The following HPF1 variants were observed in gnomAD, a reference collection of about 807,000 sequenced individuals.
The protein encoded by HPF1 is histone PARylation factor 1.
A neutral mutation model predicts 38.8 loss-of-function variants in HPF1; 35 were observed. That is an observed-to-expected ratio of 0.90 (90% CI 0.69 to 1.19). HPF1 has a LOEUF of 1.19. Among genes scored for constraint, HPF1 ranks in the 50% most tolerant of loss-of-function variants. HPF1 has a pLI of 0.00. For synonymous variants in HPF1, 115 were observed against 139.2 expected (o/e 0.83, Z 1.22); for missense variants, 367 against 405.8 (o/e 0.90, Z 0.82).
At chr4:169,754,985 T>C (rs1453570236) in intron 1 of HPF1, among the ~76,000 whole-genome samples, 4 of 152,096 alleles carry the variant, frequency 2.6e-5, no homozygotes, top group Admixed American at 1.3e-4. Flanking sequence ...TTGTTACATA[T>C]GTATACATGT....
At chr4:169,748,333 T>G (rs911587898) in intron 4 of HPF1, among the ~76,000 whole-genome samples, 2 of 151,990 alleles carry the variant, frequency 1.3e-5, no homozygotes, top group African/African-American at 4.8e-5. Flanking sequence ...ATGGAAATTA[T>G]CTCTAGAAAT....
chr4:169,746,466 A>G (rs977285330), intron 4 of HPF1, among the ~76,000 whole-genome samples: 1 of 152,130 alleles, frequency 6.6e-6, no homozygotes, highest in Non-Finnish European at 1.5e-5. Flanking sequence ...TTTACCAATT[A>G]ACACATCAGT....
intron 1 of HPF1, among the ~76,000 whole-genome samples, chr4:169,756,313 T>C (rs1190067779): frequency 6.6e-6 from 1 of 152,198 alleles, no homozygotes; most frequent in Non-Finnish European, 1.5e-5. Flanking sequence ...GGTTTAAATC[T>C]GGGTCCACAG....
intron 6 of HPF1, among the ~76,000 whole-genome samples, chr4:169,735,947 A>AAC (rs1553977296): frequency 5.3e-5 from 8 of 151,790 alleles, no homozygotes; most frequent in African/African-American, 1.9e-4. Context: ...AAAAAAAAAA[A>AAC]AACCAACAAC....
intron 6 of HPF1, among the ~76,000 whole-genome samples, chr4:169,733,738 A>T (rs78537182): frequency 1.3e-5 from 2 of 152,036 alleles, no homozygotes; most frequent in Non-Finnish European, 2.9e-5. Context: ...TCTACAAAAA[A>T]TAGAGAAATT....
At chr4:169,735,647 T>C (rs891328067) in intron 6 of HPF1, among the ~76,000 whole-genome samples, 5 of 152,216 alleles carry the variant, frequency 3.3e-5, no homozygotes, top group African/African-American at 1.2e-4. Context: ...CTTTAGAGAC[T>C]GCCCATCTCT....
chr4:169,740,609 A>C (rs1483349008), intron 5 of HPF1, among the ~76,000 whole-genome samples: 1 of 152,232 alleles, frequency 6.6e-6, no homozygotes, highest in East Asian at 1.9e-4. Flanking sequence ...TTAACAGAAA[A>C]GGGTTTGAAA....
intron 5 of HPF1, 82 bp downstream of exon 5, chr4:169,741,875 G>A (rs1247550950): frequency 8.7e-7 from 1 of 1,151,010 alleles, no homozygotes; most frequent in African/African-American, 1.5e-5. Context: ...GGGAAGAGAA[G>A]GGTAAAGTAG....
At chr4:169,742,671 A>G (rs953064772) in intron 4 of HPF1, among the ~76,000 whole-genome samples, 10 of 152,218 alleles carry the variant, frequency 6.6e-5, no homozygotes, top group Admixed American at 3.3e-4. Context: ...GGGCGCCTGT[A>G]GTCCCAGCTA....
chr4:169,742,112 A>C lies in HPF1; in HGVS notation c.498-5T>G. ...AGTTTTTTCGTCAAAAATAATCTGAAAAAGAAGTAAAAGTCCGCATTATGT... is the reference window on the plus strand; with the variant it reads ...AGTTTTTTCGTCAAAAATAATCTGACAAAGAAGTAAAAGTCCGCATTATGT... On this transcript the variant is annotated splice_polypyrimidine_tract_variant and splice_region_variant and intron_variant, in intron 4 of 7. Coordinates refer to ENST00000393381, the MANE Select transcript of HPF1 (RefSeq NM_017867.3). 6.2e-7 allele frequency: 1 copy of C among 1,608,298 alleles called. No individual in the cohort carries two copies. The highest frequency in any genetic ancestry group is 8.5e-7 in the Non-Finnish European group (1 of 1,178,090).
At chr4:169,736,198 G>T (rs1454461442) in intron 6 of HPF1, among the ~76,000 whole-genome samples, 1 of 151,578 alleles carries the variant, frequency 6.6e-6, no homozygotes, top group African/African-American at 2.4e-5. Flanking sequence ...CGGCAACAGA[G>T]TGAGACCCCG....
intron 5 of HPF1, among the ~76,000 whole-genome samples, chr4:169,741,092 C>A (rs1369062714): frequency 6.6e-6 from 1 of 152,166 alleles, no homozygotes; most frequent in Non-Finnish European, 1.5e-5. Context: ...ACTTTCCAGT[C>A]TATAGGACTA....
chr4:169,733,776 G>A (rs1243036203), intron 6 of HPF1, among the ~76,000 whole-genome samples: 4 of 151,844 alleles, frequency 2.6e-5, no homozygotes, highest in African/African-American at 9.7e-5. Context: ...GACACCTGTA[G>A]TCCCAGCTAC....
rs1240892269 is a variant in HPF1, at chr4:169,737,632, T to G, written c.736+28A>C. ...CTTTATTCATGTGCATTAACATATA[T>G]GCACATGTTTACTATGAAATACATT... On this transcript the variant is annotated intron_variant, in intron 6 of 7. Coordinates refer to ENST00000393381, the MANE Select transcript of HPF1 (RefSeq NM_017867.3). The G allele has an allele frequency of 2.2e-6, 3 of 1,337,100 alleles. No homozygotes were observed. The Admixed American group carries it at 5.0e-5, about 22-fold the overall frequency. The allele number at this position is 1,337,100 out of a possible 1,614,324, so 82.8% of individuals were successfully genotyped here. A position where few individuals can be genotyped will look rare whatever the true frequency, so the allele number is the denominator to read the frequency against.
Position 169,748,831 on chromosome 4 carries a change from T to C in HPF1, c.410A>G (p.Asp137Gly), listed in dbSNP as rs764803521. The change falls in exon 4 of 8, where the codon GAT (aspartate) becomes GGT (glycine). Residue 137 changes from aspartate to glycine, a missense_variant. Asp to Gly is a moderately conservative substitution (Grantham distance 94, BLOSUM62 -1). Transcript: ENST00000393381. ...TATACCAACATATACAGGAAATTCA[T>C]CAGGAGAATCCCTGTGTAAGCAAAA... ...YHMGYFRDSPDEFPVYVGINE... is the reference protein window; with the variant it reads ...YHMGYFRDSPGEFPVYVGINE... 13 of 1,472,414 alleles carry C rather than the reference T, an allele frequency of 8.8e-6. No individual in the cohort carries two copies. The highest frequency in any genetic ancestry group is 1.7e-4 in the Middle Eastern group (1 of 5,734). The allele number at this position is 1,472,414 out of a possible 1,614,324, so 91.2% of individuals were successfully genotyped here. A position where few individuals can be genotyped will look rare whatever the true frequency, so the allele number is the denominator to read the frequency against.
rs940485931 is a variant in HPF1 at position 169,742,588 on chromosome 4, C to G, written c.498-481G>C. Among the ~76,000 whole-genome samples, 18 of 152,228 alleles carry G rather than the reference C, an allele frequency of 1.2e-4. No individual in the cohort carries two copies. In the East Asian group the frequency reaches 1.4e-3, roughly 11 times the overall value. ...CGGGCGGATCATGAGGTCAGGAGAT[C>G]AAGACCATCCTGGCTAACAAGGTGA... On this transcript the variant is annotated intron_variant, in intron 4 of 7. Transcript: ENST00000393381.
chr4:169,738,495 G>A (rs1400225978), intron 5 of HPF1, among the ~76,000 whole-genome samples: 1 of 152,192 alleles, frequency 6.6e-6, no homozygotes, highest in Non-Finnish European at 1.5e-5. Flanking sequence ...TTCCAAGGCA[G>A]AGGAAGGACA....
intron 3 of HPF1, among the ~76,000 whole-genome samples, 170 bp from the exon 4 acceptor site, chr4:169,749,012 C>A (rs1734084993): frequency 6.8e-6 from 1 of 146,482 alleles, no homozygotes; most frequent in South Asian, 2.2e-4. Context: ...ACAAAAATTT[C>A]TGTAATGGAA....
intron 1 of HPF1, among the ~76,000 whole-genome samples, chr4:169,755,643 T>C (rs1381752948): frequency 6.6e-6 from 1 of 152,224 alleles, no homozygotes; most frequent in Non-Finnish European, 1.5e-5. Context: ...GACCAACCTA[T>C]ATTCAATATT....
Sources: allele counts gnomAD v4.1 joint callset (sites outside exome capture counted in the v4.1 genomes callset), GRCh38; gene constraint gnomAD v4.1.1; transcripts MANE v1.5; gene names NCBI Gene and HGNC (gene_info 2026-07-23, HGNC 2026-07-21).